MAGED1: variants seen among roughly 807,000 people sequenced by gnomAD.
The protein encoded by MAGED1 is MAGE family member D1.
Under a neutral mutation model 54.1 loss-of-function variants are expected in MAGED1, and 3 were observed. The observed-to-expected ratio is 0.06, with a 90% CI of 0.03 to 0.14. MAGED1 has a LOEUF of 0.14. MAGED1 is among the 10% of genes least tolerant of loss of function. The probability of loss-of-function intolerance (pLI) is 1.00; values close to 1 mark genes in which losing one functional copy is unlikely to be tolerated. For missense variants in MAGED1, 485 were observed against 623.4 expected, an observed-to-expected ratio of 0.78 and a Z score of 2.36; for synonymous variants, 217 against 227.3, an observed-to-expected ratio of 0.95 and a Z score of 0.41.
intron 11 of MAGED1, among the ~76,000 whole-genome samples, chrX:51,900,551 TTA>T (rs782003626): frequency 9.0e-6 from 1 of 111,709 alleles, no homozygotes; most frequent in Admixed American, 9.4e-5. Context: ...TTTCCCAACT[TTA>T]CTAAATTATA....
Position 51,870,204 on chromosome X carries a change from G to C in MAGED1, c.-36-24065G>C, listed in dbSNP as rs1182741960. 2.7e-5 allele frequency among the ~76,000 whole-genome samples: 3 copies of C among 111,610 alleles called. No individual in the cohort carries two copies. The Admixed American group carries it at 2.8e-4, about 11-fold the overall frequency. On this transcript the variant is annotated intron_variant, in intron 1 of 12. Coordinates refer to the MAGED1 transcript ENST00000375772. ...TTGAATCAATAATTTAAAAAGTGAG[G>C]CTTGTATTTTGTATTCTATAATTTA... is the stretch of plus-strand genomic sequence containing the variant.
rs898565267 is a variant in MAGED1 at position 51,866,782 on chromosome X, C to G, written c.-36-27487C>G. 2.7e-5 allele frequency among the ~76,000 whole-genome samples: 3 copies of G among 111,410 alleles called. No homozygotes were observed. In the Admixed American group the frequency reaches 2.9e-4, roughly 11 times the overall value. ...CTCTACCCATTCAGAATTTGAATTC[C>G]TAGTTCAGGGAAAGGAGGAATCTGG... On this transcript the variant is annotated intron_variant, in intron 1 of 12. Transcript: ENST00000375772.
At chrX:51,894,762 T>C (rs1557363956) in intron 2 of MAGED1, 3 of 1,151,617 alleles carry the variant, frequency 2.6e-6, no homozygotes, top group East Asian at 3.0e-5. Context: ...CCTGAGCTGC[T>C]ACTGCACGCC....
intron 1 of MAGED1, among the ~76,000 whole-genome samples, chrX:51,878,881 A>G (rs1309861554): frequency 1.8e-5 from 2 of 111,491 alleles, no homozygotes; most frequent in African/African-American, 6.5e-5. Flanking sequence ...GGCTCAGTGT[A>G]TATTATCAAT....
At chrX:51,831,426 A>G (rs1352460311) in intron 1 of MAGED1, among the ~76,000 whole-genome samples, 1 of 111,076 alleles carries the variant, frequency 9.0e-6, no homozygotes, top group Non-Finnish European at 1.9e-5. Context: ...AGCCTGGGCA[A>G]CACAGGGAGA....
intron 1 of MAGED1, among the ~76,000 whole-genome samples, chrX:51,856,502 G>A (rs890056890): frequency 5.3e-5 from 6 of 112,214 alleles, no homozygotes; most frequent in Non-Finnish European, 9.4e-5. Context: ...AATATTTCAT[G>A]TATTTATTAA....
At chrX:51,822,933 G>A (rs1344422323) in intron 1 of MAGED1, among the ~76,000 whole-genome samples, 1 of 111,313 alleles carries the variant, frequency 9.0e-6, no homozygotes, top group African/African-American at 3.3e-5. Flanking sequence ...CTTATTTAGA[G>A]GTGTGTTGTT....
chrX:51,849,546 GT>G (rs1233785552), intron 1 of MAGED1, among the ~76,000 whole-genome samples: 1 of 111,286 alleles, frequency 9.0e-6, no homozygotes. Context: ...AGTTTTATAA[GT>G]TTTTTTATAA....
chrX:51,864,923 C>T (rs1437837095), intron 1 of MAGED1, among the ~76,000 whole-genome samples: 2 of 111,515 alleles, frequency 1.8e-5, no homozygotes, highest in Admixed American at 1.9e-4. Context: ...TCTTCCTTTC[C>T]AATTTGGATG....
intron 1 of MAGED1, among the ~76,000 whole-genome samples, chrX:51,855,915 A>G (rs890025688): frequency 8.9e-6 from 1 of 111,982 alleles, no homozygotes; most frequent in African/African-American, 3.3e-5. Context: ...GACACTAATG[A>G]TGTCATTTTT....
chrX:51,845,528 T>C (rs1557359190), intron 1 of MAGED1, among the ~76,000 whole-genome samples: 1 of 111,639 alleles, frequency 9.0e-6, no homozygotes, highest in Non-Finnish European at 1.9e-5. Flanking sequence ...TTCACCTTTG[T>C]ATTTTGGGAG....
chrX:51,840,770 T>G (rs1179281058), intron 1 of MAGED1, among the ~76,000 whole-genome samples: 7 of 110,509 alleles, frequency 6.3e-5, no homozygotes, highest in Non-Finnish European at 1.3e-4. Context: ...GAGCTCATCA[T>G]TTTTTATGGC....
At chrX:51,884,501 A>G (rs1192000365) in intron 1 of MAGED1, among the ~76,000 whole-genome samples, 1 of 112,353 alleles carries the variant, frequency 8.9e-6, no homozygotes, top group Admixed American at 9.4e-5. Context: ...TAGCCTACCT[A>G]TCCTAAAATA....
intron 1 of MAGED1, among the ~76,000 whole-genome samples, chrX:51,848,505 A>C (rs959403300): frequency 9.0e-6 from 1 of 111,586 alleles, no homozygotes; most frequent in Non-Finnish European, 1.9e-5. Flanking sequence ...CCGGGCTTTT[A>C]AAATTGGGAA....
chrX:51,881,398 GCTTTTT>G (rs1928047912), intron 1 of MAGED1, among the ~76,000 whole-genome samples: 1 of 105,865 alleles, frequency 9.4e-6, no homozygotes, highest in South Asian at 4.3e-4. Flanking sequence ...CTTTCCTCTT[GCTTTTT>G]CTTTTTCTTT....
chrX:51,814,567 C>A (rs1925345235), intron 1 of MAGED1, among the ~76,000 whole-genome samples: 1 of 111,286 alleles, frequency 9.0e-6, no homozygotes, highest in African/African-American at 3.3e-5. Context: ...GAAATATATC[C>A]AGTAACAACA....
At chrX:51,844,941 A>G (rs1283023454) in intron 1 of MAGED1, among the ~76,000 whole-genome samples, 2 of 111,464 alleles carry the variant, frequency 1.8e-5, no homozygotes, top group Non-Finnish European at 3.8e-5. Flanking sequence ...TGATAAAAAT[A>G]TTTAGCAGTA....
At chrX:51,831,108 C>T (rs1557357425) in intron 1 of MAGED1, among the ~76,000 whole-genome samples, 3 of 111,900 alleles carry the variant, frequency 2.7e-5, no homozygotes, top group Non-Finnish European at 1.9e-5. Flanking sequence ...CCACCTTCCT[C>T]GGCCTTCCAA....
In MAGED1 at chrX:51,897,902, AGG is replaced by A; in HGVS notation, c.1658+17_1658+18del. 1 of 1,143,026 alleles carries A rather than the reference AGG, an allele frequency of 8.7e-7. No homozygotes were observed. Among genetic ancestry groups the A allele is most frequent in the Non-Finnish European group, 1.2e-6 (1 of 835,772 alleles). The allele number at this position is 1,143,026 out of a possible 1,213,427, so 94.2% of individuals were successfully genotyped here. ...TACTGGGAACGTAAGATGGGAAAGA[AGG>A]TGGAACATGGCCTTTCTCAGTGGTG... On this transcript the variant is annotated intron_variant, in intron 7 of 12. Transcript: ENST00000326587.
Sources: allele counts gnomAD v4.1 joint callset (sites outside exome capture counted in the v4.1 genomes callset), GRCh38; gene constraint gnomAD v4.1.1; transcripts MANE v1.5; gene names NCBI Gene and HGNC (gene_info 2026-07-23, HGNC 2026-07-21).